Variants in TGFBRAP1 observed in about 807,000 individuals in gnomAD.
TGFBRAP1 encodes transforming growth factor-beta receptor-associated protein 1.
TGFBRAP1 carries 20 observed loss-of-function variants against 83.2 expected under a neutral mutation model. The ratio of observed to expected loss-of-function variants is 0.24; its 90% CI spans 0.17 to 0.35. The LOEUF (loss-of-function observed/expected upper bound fraction) is 0.35, where lower values mean the gene tolerates loss of function less well. Among genes scored for constraint, TGFBRAP1 ranks in the 10% least tolerant of loss-of-function variants. The pLI is 1.00. For missense variants in TGFBRAP1, 950 were observed against 1,099.4 expected (o/e 0.86, Z 1.92); for synonymous variants, 415 against 459.8 (o/e 0.90, Z 1.25).
intron 4 of TGFBRAP1, among the ~76,000 whole-genome samples, chr2:105,293,097 A>G (rs2679893): frequency 0.79 from 119,761 of 151,766 alleles, 47,395 homozygotes; most frequent in African/African-American, 0.83. Context: ...ATATGGGGGA[A>G]TGACGACAAT....
chr2:105,319,065 T>TG (rs1553408892), intron 1 of TGFBRAP1, among the ~76,000 whole-genome samples: 1 of 150,752 alleles, frequency 6.6e-6, no homozygotes, highest in East Asian at 1.9e-4. Context: ...GAGCCTTTTT[T>TG]TGTGTGTGTG....
At chr2:105,281,637 T>C (rs956137372) in intron 5 of TGFBRAP1, among the ~76,000 whole-genome samples, 1 of 152,180 alleles carries the variant, frequency 6.6e-6, no homozygotes, top group African/African-American at 2.4e-5. Flanking sequence ...TCTCTTAGTA[T>C]GGCATTCAAG....
intron 1 of TGFBRAP1, among the ~76,000 whole-genome samples, chr2:105,316,420 A>AGAGT (rs1199218026): frequency 9.2e-6 from 1 of 109,100 alleles, no homozygotes; most frequent in African/African-American, 3.6e-5. Context: ...AGGTATAGGG[A>AGAGT]GTGTGTGTGT....
At chr2:105,305,066 A>G (rs1678449945) in intron 2 of TGFBRAP1, among the ~76,000 whole-genome samples, 1 of 152,088 alleles carries the variant, frequency 6.6e-6, no homozygotes, top group Non-Finnish European at 1.5e-5. Flanking sequence ...AATATAAACT[A>G]TGGGCTTCGG....
chr2:105,298,798 A>T, intron 2 of TGFBRAP1, 93 bp from the exon 3 acceptor site: 1 of 1,244,796 alleles, frequency 8.0e-7, no homozygotes, highest in South Asian at 1.7e-5. Context: ...ACCCCTGCCC[A>T]CCAGCAATTT....
At position 105,265,494 on chromosome 2, in the gene TGFBRAP1, GT is replaced by G. The variant is rs901015456; in HGVS notation, c.*1888del. Reference sequence around the variant, plus strand: ...TGTGTTAGGAATGAGAAATTACTAAGTTTTTTCAAGATTTTACCCATTTTGT... The same window carrying G: ...TGTGTTAGGAATGAGAAATTACTAAGTTTTTCAAGATTTTACCCATTTTGT... On this transcript the variant is annotated 3_prime_UTR_variant, in exon 12 of 12. Transcript: ENST00000393359. 2 of 152,596 alleles carry G rather than the reference GT, an allele frequency of 1.3e-5. No homozygotes were observed. The highest frequency in any genetic ancestry group is 4.8e-5 in the African/African-American group (2 of 41,436). The allele number at this position is 152,596 out of a possible 1,614,324, so 9.5% of individuals were successfully genotyped here. A position where few individuals can be genotyped will look rare whatever the true frequency, so the allele number is the denominator to read the frequency against.
intron 1 of TGFBRAP1, among the ~76,000 whole-genome samples, chr2:105,319,095 C>T (rs758432695): frequency 6.6e-6 from 1 of 152,012 alleles, no homozygotes; most frequent in African/African-American, 2.4e-5. Context: ...GAGTCTCACT[C>T]CATCACATAG....
chr2:105,277,636 T>C lies in TGFBRAP1; in HGVS notation c.1499A>G (p.Asn500Ser). 2 of 1,614,200 alleles carry C rather than the reference T, an allele frequency of 1.2e-6. No homozygotes were observed. Among genetic ancestry groups the C allele is most frequent in the Non-Finnish European group, 1.7e-6 (2 of 1,180,030 alleles). The change falls in exon 7 of 12, where the codon AAC (asparagine) becomes AGC (serine). Residue 500 changes from asparagine (N) to serine (S), a missense_variant. Asn to Ser is a conservative substitution (Grantham distance 46). Transcript: ENST00000393359. ...FALGLLYHYNNQDAAAVQLWV... is the reference protein window; with the variant it reads ...FALGLLYHYNSQDAAAVQLWV... ...CACCTGAACTGCAGCAGCATCTTGGTTATTATAATGATAGAGCAGTCCAAG... is the reference window on the plus strand; with the variant it reads ...CACCTGAACTGCAGCAGCATCTTGGCTATTATAATGATAGAGCAGTCCAAG...
At chr2:105,324,018 G>A (rs1214835295) in intron 1 of TGFBRAP1, among the ~76,000 whole-genome samples, 1 of 152,062 alleles carries the variant, frequency 6.6e-6, no homozygotes, top group Non-Finnish European at 1.5e-5. Context: ...AAGAGGAAAG[G>A]CTGAGGAACT....
chr2:105,282,402 C>A (rs141456509), intron 5 of TGFBRAP1, among the ~76,000 whole-genome samples: 1 of 152,120 alleles, frequency 6.6e-6, no homozygotes. Context: ...GCCTCCGGCA[C>A]GGCACTGAGG....
In TGFBRAP1 at chr2:105,294,509, A is replaced by G. The variant is rs533975418; in HGVS notation, c.1038+1847T>C. Among the ~76,000 whole-genome samples the G allele has an allele frequency of 2.6e-5, 4 of 152,300 alleles. No homozygotes were observed. In the East Asian group the frequency reaches 7.7e-4, roughly 29 times the overall value. On this transcript the variant is annotated intron_variant, in intron 4 of 11. Coordinates refer to ENST00000393359, the MANE Select transcript of TGFBRAP1 (RefSeq NM_004257.6). The stretch of plus-strand genomic sequence containing the variant: ...GATGATGGACTGCAATCACACAAGG[A>G]GGCTGTTAAAAACGTGGGCAAAAGT...
intron 1 of TGFBRAP1, among the ~76,000 whole-genome samples, chr2:105,321,532 T>A (rs892649109): frequency 9.9e-5 from 15 of 152,252 alleles, no homozygotes; most frequent in African/African-American, 3.1e-4. Context: ...GAAAAAAAAA[T>A]GTTTCTCTGA....
intron 6 of TGFBRAP1, among the ~76,000 whole-genome samples, chr2:105,278,729 A>T (rs1266976586): frequency 2.0e-5 from 3 of 152,046 alleles, no homozygotes; most frequent in African/African-American, 7.2e-5. Context: ...GGGGTCAAGC[A>T]TCTTCCCTCC....
chr2:105,328,093 C>A (rs1679272807), intron 1 of TGFBRAP1, among the ~76,000 whole-genome samples: 1 of 152,232 alleles, frequency 6.6e-6, no homozygotes. Context: ...CGGATCCTTT[C>A]CAGGCACAAT....
intron 1 of TGFBRAP1, among the ~76,000 whole-genome samples, chr2:105,315,189 A>T (rs1399185310): frequency 6.6e-6 from 1 of 152,152 alleles, no homozygotes; most frequent in South Asian, 2.1e-4. Flanking sequence ...GATATTTAAG[A>T]TCCTTATGGA....
intron 4 of TGFBRAP1, among the ~76,000 whole-genome samples, chr2:105,288,936 T>C (rs1677808066): frequency 6.6e-6 from 1 of 152,166 alleles, no homozygotes; most frequent in African/African-American, 2.4e-5. Context: ...TGTTAGAATA[T>C]TAGAGGCTCT....
At chr2:105,274,121 G>A (rs566662629) in intron 8 of TGFBRAP1, among the ~76,000 whole-genome samples, 2 of 152,340 alleles carry the variant, frequency 1.3e-5, no homozygotes, top group East Asian at 3.9e-4. Flanking sequence ...TGAAATTTCT[G>A]TACAGTAAAC....
chr2:105,328,459 GA>G (rs1210140867), intron 1 of TGFBRAP1, among the ~76,000 whole-genome samples: 42 of 152,326 alleles, frequency 2.8e-4, no homozygotes, highest in Non-Finnish European at 4.4e-5. Context: ...CCTTCTGACT[GA>G]CCATGGAACT....
intron 11 of TGFBRAP1, chr2:105,268,019 G>A (rs1011288542): frequency 4.5e-6 from 2 of 445,760 alleles, no homozygotes; most frequent in African/African-American, 4.3e-5. Flanking sequence ...CATATTCCTG[G>A]TTGGTCCTGG....
Sources: gnomAD v4.1 joint callset for allele counts (sites outside exome capture counted in the v4.1 genomes callset) on GRCh38, gnomAD v4.1.1 for gene constraint, MANE v1.5 for transcripts, NCBI Gene and HGNC (gene_info 2026-07-23, HGNC 2026-07-21) for gene names.